GRK2: variants seen among roughly 807,000 people sequenced by gnomAD.
GRK2 encodes adrenergic beta receptor kinase 1.
GRK2 carries 23 observed loss-of-function variants against 97.8 expected under a neutral mutation model. The observed-to-expected ratio is 0.24, with a 90% CI of 0.17 to 0.33. GRK2 has a LOEUF of 0.33. Among genes scored for constraint, GRK2 ranks in the 10% least tolerant of loss-of-function variants. The pLI is 1.00. For synonymous variants in GRK2, 425 were observed against 381.7 expected (o/e 1.11, Z -1.32); for missense variants, 633 against 956.9 (o/e 0.66, Z 4.47).
In GRK2 at chr11:67,281,803, G is replaced by T. The variant is rs1488108216; in HGVS notation, c.827-19G>T. 1.2e-6 allele frequency: 2 copies of T among 1,613,604 alleles called. No homozygotes were observed. Among genetic ancestry groups the T allele is most frequent in the Non-Finnish European group, 1.7e-6 (2 of 1,179,994 alleles). On this transcript the variant is annotated intron_variant, in intron 10 of 20. Transcript: ENST00000308595. This position sits in a 1 kb window ranked among gnomAD's most constrained non-coding sequence, Gnocchi z 5.7. ...TGGGGCAAGACACTGAGTGCTGCCT[G>T]TGGGACTGCCTCCCTCAGGTGGGGA...
chr11:67,272,780 G>A lies in GRK2; in HGVS notation c.114-4492G>A, dbSNP rs1344924227. 2.0e-5 allele frequency among the ~76,000 whole-genome samples: 3 copies of A among 152,368 alleles called. No individual in the cohort carries two copies. The East Asian group carries it at 5.8e-4, about 29-fold the overall frequency. On this transcript the variant is annotated intron_variant, in intron 1 of 20. Coordinates refer to ENST00000308595, the MANE Select transcript of GRK2 (RefSeq NM_001619.5). Reference sequence around the variant, plus strand: ...GCAAGCCACGGGCTCTACCCACTGGGCCCGCAGTAGAGCAATGCAGTGCCT... The same window carrying A: ...GCAAGCCACGGGCTCTACCCACTGGACCCGCAGTAGAGCAATGCAGTGCCT...
Position 67,279,622 on chromosome 11 carries a change from C to A in GRK2, c.367-4C>A. 1.9e-6 allele frequency: 3 copies of A among 1,613,464 alleles called. No individual in the cohort carries two copies. The highest frequency in any genetic ancestry group is 2.5e-6 in the Non-Finnish European group (3 of 1,179,984). ...GAATTCATGGCCACCTCTGTCTTCC[C>A]CAGCCCTTCTCGAAGAGTGCCACTG... On this transcript the variant is annotated splice_region_variant and splice_polypyrimidine_tract_variant and intron_variant, in intron 4 of 20. Coordinates refer to ENST00000308595, the MANE Select transcript of GRK2 (RefSeq NM_001619.5).
chr11:67,283,324 C>T, intron 15 of GRK2, 96 bp downstream of exon 15: 2 of 1,123,142 alleles, frequency 1.8e-6, no homozygotes, highest in South Asian at 2.5e-5. Context: ...AGGTCCCAGC[C>T]TCCTTGGAGG....
chr11:67,275,039 T>A (rs1275474671), intron 1 of GRK2, among the ~76,000 whole-genome samples: 1 of 152,168 alleles, frequency 6.6e-6, no homozygotes, highest in Non-Finnish European at 1.5e-5. Context: ...AGTGCCCTGC[T>A]TCCTGCTGGA....
chr11:67,277,129 G>T (rs1860047640), intron 1 of GRK2, 143 bp from the exon 2 acceptor site: 3 of 694,106 alleles, frequency 4.3e-6, no homozygotes, highest in Non-Finnish European at 4.9e-6. Flanking sequence ...CCTGTGGCTG[G>T]GATAAGTGAG....
At chr11:67,284,096 G>T in intron 17 of GRK2, 115 bp from the exon 18 acceptor site, 2 of 1,480,768 alleles carry the variant, frequency 1.4e-6, no homozygotes, top group Admixed American at 1.8e-5. Context: ...TCCCTGGGGG[G>T]TGGCAGTTGC....
rs972611189 is a variant in GRK2, at chr11:67,286,317, G to A, written c.*867G>A. ...CATCCTGGCCCATCAGTGTACCCCC[G>A]CCCAGGCTGGCCAGCCCCACAGCCC... On this transcript the variant is annotated 3_prime_UTR_variant, in exon 21 of 21. Coordinates refer to ENST00000308595, the MANE Select transcript of GRK2 (RefSeq NM_001619.5). 8.9e-6 allele frequency: 6 copies of A among 672,128 alleles called. No homozygotes were observed. The highest frequency in any genetic ancestry group is 1.8e-5 in the African/African-American group (1 of 54,998). 41.6% of individuals were successfully genotyped at this position (672,128 alleles called of 1,614,324 possible). A position where few individuals can be genotyped will look rare whatever the true frequency, so the allele number is the denominator to read the frequency against.
In GRK2 at chr11:67,281,396, C is replaced by T. The variant is rs1487491904; in HGVS notation, c.648-63C>T. 2 of 1,492,306 alleles carry T rather than the reference C, an allele frequency of 1.3e-6. No individual in the cohort carries two copies. The highest frequency in any genetic ancestry group is 3.4e-5 in the Admixed American group (2 of 59,464). 92.4% of individuals were successfully genotyped at this position (1,492,306 alleles called of 1,614,324 possible). A position where few individuals can be genotyped will look rare whatever the true frequency, so the allele number is the denominator to read the frequency against. On this transcript the variant is annotated intron_variant, in intron 8 of 20. Transcript: ENST00000308595. The surrounding 1 kb of genome is among the most constrained non-coding windows in gnomAD (Gnocchi z 5.7). The stretch of plus-strand genomic sequence containing the variant: ...GGTCTAGTCTTTCCCTCAAGCGCCC[C>T]CTGAGGCAGCCCTGGGCCCCTGCTC...
At position 67,284,334 on chromosome 11, in the gene GRK2, C is replaced by G; in HGVS notation, c.1615C>G (p.Arg539Gly). Reference protein sequence around the residue: ...INAETDRLEARKKAKNKQLGH... With the variant: ...INAETDRLEAGKKAKNKQLGH... The stretch of plus-strand genomic sequence containing the variant: ...CGCTGAGACAGACCGGCTGGAGGCT[C>G]GCAAGAAAGCCAAGAACAAGCAGCT... The change falls in exon 18 of 21, where the codon CGC (arginine) becomes GGC (glycine). Residue 539 changes from arginine to glycine, a missense_variant. Coordinates refer to ENST00000308595, the MANE Select transcript of GRK2 (RefSeq NM_001619.5). 6.2e-7 allele frequency: 1 copy of G among 1,613,008 alleles called. No homozygotes were observed. Among genetic ancestry groups the G allele is most frequent in the Non-Finnish European group, 8.5e-7 (1 of 1,179,978 alleles).
rs762458288 is a variant in GRK2 at position 67,285,452 on chromosome 11, C to T, written c.*2C>T. The T allele has an allele frequency of 3.9e-6, 6 of 1,534,494 alleles. No individual in the cohort carries two copies. The highest frequency in any genetic ancestry group is 5.2e-6 in the Non-Finnish European group (6 of 1,143,184). On this transcript the variant is annotated 3_prime_UTR_variant, in exon 21 of 21. Transcript: ENST00000308595. The stretch of plus-strand genomic sequence containing the variant: ...CGCGGCAGTGCCAACGGCCTCTGAC[C>T]CGCCCACCCGCCTTTTATAAACCTC...
Position 67,282,086 on chromosome 11 carries a change from G to T in GRK2, c.957+134G>T. Reference sequence around the variant, plus strand: ...CCCGTATCTTCCCATCTCCGCCCCTGCCCTTCCCACCGAGCCACTCTCTGG... The same window carrying T: ...CCCGTATCTTCCCATCTCCGCCCCTTCCCTTCCCACCGAGCCACTCTCTGG... On this transcript the variant is annotated intron_variant, in intron 11 of 20. Transcript: ENST00000308595. This position sits in a 1 kb window ranked among gnomAD's most constrained non-coding sequence, Gnocchi z 6.9. The T allele has an allele frequency of 7.6e-7, 1 of 1,314,310 alleles. No homozygotes were observed. Among genetic ancestry groups the T allele is most frequent in the Admixed American group, 2.1e-5 (1 of 48,324 alleles). The allele number at this position is 1,314,310 out of a possible 1,614,324, so 81.4% of individuals were successfully genotyped here.
rs945181156 is a variant in GRK2, at chr11:67,285,384, G to A, written c.2004G>A (p.Pro668=). 23 of 1,609,372 alleles carry A rather than the reference G, an allele frequency of 1.4e-5. No homozygotes were observed. The highest frequency in any genetic ancestry group is 6.7e-5 in the East Asian group (3 of 44,854). ...VQRVPKMKNK[P]RSPVVELSKV... ...GGGTGCCCAAGATGAAGAACAAGCC[G>A]CGCTCGCCCGTGGTGGAGCTGAGCA... The change falls in exon 21 of 21, where the codon CCG becomes CCA. Residue 668 remains proline, a synonymous_variant. Coordinates refer to ENST00000308595, the MANE Select transcript of GRK2 (RefSeq NM_001619.5).
At chr11:67,266,965 C>T (rs1487918508) in intron 1 of GRK2, among the ~76,000 whole-genome samples, 153 bp downstream of exon 1, 1 of 151,852 alleles carries the variant, frequency 6.6e-6, no homozygotes, top group Non-Finnish European at 1.5e-5. Flanking sequence ...GCAGCCCGGC[C>T]TTGGCGCCTG....
intron 1 of GRK2, 93 bp from the exon 2 acceptor site, chr11:67,277,179 G>C: frequency 8.1e-7 from 1 of 1,236,706 alleles, no homozygotes; most frequent in Admixed American, 1.8e-5. Flanking sequence ...AGGGAGTGGC[G>C]ACACCACCAC....
rs1565068697 is a variant in GRK2, at chr11:67,283,743, C to T, written c.1365C>T (p.Ser455=). 4 of 1,613,756 alleles carry T rather than the reference C, an allele frequency of 2.5e-6. No individual in the cohort carries two copies. Among genetic ancestry groups the T allele is most frequent in the Non-Finnish European group, 3.4e-6 (4 of 1,180,002 alleles). ...QEVKESPFFR[S]LDWQMVFLQK... is the part of the protein sequence containing the mutation. ...TGAAAGAGAGCCCCTTTTTCCGCTC[C>T]CTGGACTGGCAGATGGTCTTCTTGC... The change falls in exon 16 of 21, where the codon TCC becomes TCT. Residue 455 remains serine (S), a synonymous_variant. Transcript: ENST00000308595.
intron 1 of GRK2, among the ~76,000 whole-genome samples, chr11:67,272,271 G>T (rs1038662315): frequency 1.3e-5 from 2 of 152,196 alleles, no homozygotes; most frequent in Admixed American, 6.5e-5. Context: ...AGAGGTCAAG[G>T]GGGGGATGGA....
rs758181077 is a variant in GRK2 at position 67,279,642 on chromosome 11, C to T, written c.383C>T (p.Ala128Val). The change falls in exon 5 of 21, where the codon GCC becomes GTC. Residue 128 changes from alanine (A) to valine (V), a missense_variant. By Grantham distance (64) the Ala-to-Val change is moderately conservative. This residue lies in a region of GRK2 where 193 missense variants were observed against 212.2 expected (regional missense o/e 0.91). Transcript: ENST00000308595. ...CTTCCCCAGCCCTTCTCGAAGAGTG[C>T]CACTGAGCATGTCCAAGGCCACCTG... ...LACSHPFSKS[A>V]TEHVQGHLGK... 5 of 1,613,540 alleles carry T rather than the reference C, an allele frequency of 3.1e-6. No homozygotes were observed. Among genetic ancestry groups the T allele is most frequent in the Middle Eastern group, 1.6e-4 (1 of 6,062 alleles).
At chr11:67,277,007 ACAGGCGGTGGGCCTCTGAGCAGGGG>A (rs1249149810) in intron 1 of GRK2, 1 of 358,034 alleles carries the variant, frequency 2.8e-6, no homozygotes, top group African/African-American at 2.1e-5. Context: ...ACGAGACCCC[ACAGGCGGTGGGCCTCTGAGCAGGGG>A]GCCACCTGCC....
intron 1 of GRK2, among the ~76,000 whole-genome samples, chr11:67,273,347 G>A (rs190412396): frequency 2.6e-5 from 4 of 152,156 alleles, no homozygotes; most frequent in Admixed American, 2.0e-4. Flanking sequence ...TGGGAGCCAC[G>A]TTCCCCCGGA....
Sources: allele counts gnomAD v4.1 joint callset (sites outside exome capture counted in the v4.1 genomes callset), GRCh38; gene constraint gnomAD v4.1.1; regional missense constraint gnomAD v4.1.1; non-coding constraint Gnocchi (gnomAD v3.1); transcripts MANE v1.5; gene names NCBI Gene and HGNC (gene_info 2026-07-23, HGNC 2026-07-21).